IL1RAPL1: variants seen among roughly 807,000 people sequenced by gnomAD.
IL1RAPL1 encodes interleukin 1 receptor accessory protein like 1.
A neutral mutation model predicts 48.4 loss-of-function variants in IL1RAPL1; 3 were observed. The ratio of observed to expected loss-of-function variants is 0.06; its 90% confidence interval spans 0.03 to 0.16. The LOEUF is 0.16. Ranked by LOEUF, IL1RAPL1 falls within the 10% of genes least tolerant of loss-of-function variation. IL1RAPL1 has a pLI of 1.00. For missense variants in IL1RAPL1, 349 were observed against 530.6 expected (o/e 0.66, Z 3.36); for synonymous variants, 185 against 187.7 (o/e 0.99, Z 0.12).
intron 1 of IL1RAPL1, among the ~76,000 whole-genome samples, chrX:28,760,821 C>T (rs1371177987): frequency 2.7e-5 from 3 of 110,985 alleles, no homozygotes; most frequent in African/African-American, 9.8e-5. Flanking sequence ...GGCGCGGTGG[C>T]TCATGCCTGT....
chrX:29,612,367 T>C (rs1924123606), intron 5 of IL1RAPL1, among the ~76,000 whole-genome samples: 1 of 109,959 alleles, frequency 9.1e-6, no homozygotes, highest in Non-Finnish European at 1.9e-5. Flanking sequence ...AGGATCTACA[T>C]GTTTCTGAAG....
At chrX:29,509,181 G>A (rs1057164524) in intron 5 of IL1RAPL1, among the ~76,000 whole-genome samples, 3 of 111,941 alleles carry the variant, frequency 2.7e-5, no homozygotes, top group African/African-American at 9.7e-5. Flanking sequence ...CAGGCTGTCA[G>A]AAAATGTAGT....
chrX:29,223,279 A>T (rs1175255154), intron 2 of IL1RAPL1, among the ~76,000 whole-genome samples: 1 of 111,830 alleles, frequency 8.9e-6, no homozygotes, highest in Non-Finnish European at 1.9e-5. Context: ...ACATACACAT[A>T]TGTGTGTCTA....
chrX:29,395,445 A>G (rs1322097961), intron 3 of IL1RAPL1, among the ~76,000 whole-genome samples: 2 of 111,813 alleles, frequency 1.8e-5, no homozygotes, highest in East Asian at 2.8e-4. Flanking sequence ...TACCCAAAAA[A>G]CTTCATTTGG....
intron 2 of IL1RAPL1, among the ~76,000 whole-genome samples, chrX:29,045,296 C>T (rs771230985): frequency 8.9e-6 from 1 of 112,143 alleles, no homozygotes; most frequent in African/African-American, 3.2e-5. Context: ...TCAGAATTCA[C>T]TGTACTTTTT....
intron 6 of IL1RAPL1, among the ~76,000 whole-genome samples, chrX:29,836,550 A>G (rs929037578): frequency 8.9e-6 from 1 of 111,780 alleles, no homozygotes; most frequent in Non-Finnish European, 1.9e-5. Flanking sequence ...GTCTTCATTG[A>G]TCCATTTGTT....
intron 1 of IL1RAPL1, among the ~76,000 whole-genome samples, chrX:28,745,487 AT>A (rs1260065070): frequency 2.7e-5 from 3 of 111,659 alleles, no homozygotes; most frequent in Non-Finnish European, 5.6e-5. Flanking sequence ...AATAAAAGGG[AT>A]TTTTTTGTAA....
At chrX:29,890,806 C>T (rs960510390) in intron 6 of IL1RAPL1, among the ~76,000 whole-genome samples, 7 of 112,058 alleles carry the variant, frequency 6.2e-5, no homozygotes, top group Admixed American at 3.8e-4. Flanking sequence ...TTCAAACCCA[C>T]ACAGTTCCTG....
At chrX:28,630,408 G>A (rs1454580217) in intron 1 of IL1RAPL1, among the ~76,000 whole-genome samples, 2 of 111,565 alleles carry the variant, frequency 1.8e-5, no homozygotes, top group African/African-American at 6.5e-5. Flanking sequence ...GAAGATAATT[G>A]TCTATCCTTA....
chrX:29,319,633 T>A (rs1932790823), intron 3 of IL1RAPL1, among the ~76,000 whole-genome samples: 1 of 108,534 alleles, frequency 9.2e-6, no homozygotes, highest in Admixed American at 1.0e-4. Context: ...CTCTCATTTT[T>A]TTTTTCCGTA....
intron 5 of IL1RAPL1, among the ~76,000 whole-genome samples, chrX:29,503,600 A>G (rs1206152470): frequency 1.8e-5 from 2 of 111,550 alleles, no homozygotes; most frequent in African/African-American, 6.5e-5. Context: ...TAATTTCTTT[A>G]TTCATTCATT....
intron 6 of IL1RAPL1, among the ~76,000 whole-genome samples, chrX:29,714,738 G>A (rs900986255): frequency 9.0e-6 from 1 of 111,655 alleles, no homozygotes; most frequent in Middle Eastern, 4.2e-3. Context: ...TCTGGAAATG[G>A]AAGAGTTGCC....
At chrX:29,066,056 G>C (rs1927445312) in intron 2 of IL1RAPL1, among the ~76,000 whole-genome samples, 1 of 111,239 alleles carries the variant, frequency 9.0e-6, no homozygotes, top group African/African-American at 3.3e-5. Context: ...TATGTTGCTT[G>C]GTTTGTTTCC....
At chrX:29,602,295 G>C (rs1468251910) in intron 5 of IL1RAPL1, among the ~76,000 whole-genome samples, 4 of 111,668 alleles carry the variant, frequency 3.6e-5, no homozygotes, top group Non-Finnish European at 5.6e-5. Flanking sequence ...TTCTTAATAA[G>C]AGGTTGTAAA....
chrX:29,883,728 T>C (rs923595568), intron 6 of IL1RAPL1, among the ~76,000 whole-genome samples: 1 of 111,866 alleles, frequency 8.9e-6, no homozygotes, highest in South Asian at 3.7e-4. Flanking sequence ...TCAAAATTAA[T>C]TAGAATAAAT....
chrX:28,806,618 A>G (rs148776285), intron 2 of IL1RAPL1, among the ~76,000 whole-genome samples: 1,888 of 111,222 alleles, frequency 0.017, 46 homozygotes, highest in African/African-American at 0.059. Flanking sequence ...GAGGGTGTTT[A>G]ATTTTAATTC....
chrX:28,605,194 T>G (rs1934069606), intron 1 of IL1RAPL1, among the ~76,000 whole-genome samples: 1 of 112,399 alleles, frequency 8.9e-6, no homozygotes, highest in African/African-American at 3.2e-5. Flanking sequence ...TCACCACCTC[T>G]TAAATTTATA....
At chrX:28,862,129 A>G (rs965876485) in intron 2 of IL1RAPL1, among the ~76,000 whole-genome samples, 2 of 112,341 alleles carry the variant, frequency 1.8e-5, no homozygotes, top group African/African-American at 6.5e-5. Flanking sequence ...ATGAAACACT[A>G]GCTATCAGAT....
At chrX:29,307,136 T>G in intron 3 of IL1RAPL1, among the ~76,000 whole-genome samples, 1 of 111,450 alleles carries the variant, frequency 9.0e-6, no homozygotes. Context: ...GTCTGTGCTA[T>G]TCAATCTATC....
Sources: gnomAD v4.1 joint callset for allele counts (sites outside exome capture counted in the v4.1 genomes callset) on GRCh38, gnomAD v4.1.1 for gene constraint, MANE v1.5 for transcripts, NCBI Gene and HGNC (gene_info 2026-07-23, HGNC 2026-07-21) for gene names.